Variants in NEO1 observed in about 807,000 individuals in gnomAD.
NEO1 encodes the protein neogenin.
NEO1 carries 63 observed loss-of-function variants against 159.7 expected under a neutral mutation model. The observed-to-expected ratio is 0.39, with a 90% CI of 0.32 to 0.49. The LOEUF is 0.49. NEO1 is among the 20% of genes least tolerant of loss of function. The pLI, the probability that NEO1 is intolerant of heterozygous loss-of-function variation, is 0.85. For missense variants in NEO1, 1,615 were observed against 1,831.0 expected (o/e 0.88, Z 2.15); for synonymous variants, 633 against 662.0 (o/e 0.96, Z 0.67).
At chr15:73,102,736 G>T (rs954804717) in intron 1 of NEO1, among the ~76,000 whole-genome samples, 6 of 151,892 alleles carry the variant, frequency 4.0e-5, no homozygotes, top group Non-Finnish European at 8.8e-5. Flanking sequence ...ACAGAATTTG[G>T]TCCCCAGCTT....
At chr15:73,230,958 A>C (rs1461362080) in intron 7 of NEO1, among the ~76,000 whole-genome samples, 1 of 152,122 alleles carries the variant, frequency 6.6e-6, no homozygotes, top group African/African-American at 2.4e-5. Context: ...GTTTAAGAGC[A>C]TGTTTAATTT....
chr15:73,236,202 T>C, intron 7 of NEO1, 145 bp from the exon 8 acceptor site: 2 of 1,097,178 alleles, frequency 1.8e-6, no homozygotes, highest in East Asian at 2.6e-5. Flanking sequence ...TGTTTATTTC[T>C]TTTTTGTTTT....
intron 1 of NEO1, among the ~76,000 whole-genome samples, chr15:73,103,016 C>T (rs1360409764): frequency 6.6e-6 from 1 of 152,160 alleles, no homozygotes; most frequent in East Asian, 1.9e-4. Flanking sequence ...ACTCACCTTA[C>T]TTTCGCATTT....
chr15:73,107,273 G>C (rs1243628698), intron 1 of NEO1, among the ~76,000 whole-genome samples: 3 of 152,178 alleles, frequency 2.0e-5, no homozygotes, highest in Non-Finnish European at 4.4e-5. Flanking sequence ...AATTGTAGCA[G>C]TAAGGTAAAA....
At chr15:73,054,426 C>A (rs762288967) in intron 1 of NEO1, among the ~76,000 whole-genome samples, 1 of 152,174 alleles carries the variant, frequency 6.6e-6, no homozygotes, top group Non-Finnish European at 1.5e-5. Context: ...AGATGAGGTG[C>A]AAGGCATATG....
intron 26 of NEO1, among the ~76,000 whole-genome samples, chr15:73,297,298 C>T (rs1277009605): frequency 6.6e-6 from 1 of 152,170 alleles, no homozygotes; most frequent in Non-Finnish European, 1.5e-5. Context: ...GGGCAATTTG[C>T]TTAACCTCCC....
intron 7 of NEO1, among the ~76,000 whole-genome samples, chr15:73,198,633 T>G (rs2036677104): frequency 6.6e-6 from 1 of 152,110 alleles, no homozygotes; most frequent in South Asian, 2.1e-4. Flanking sequence ...AGAAAAATCT[T>G]ATGATGTATC....
At chr15:73,159,823 A>AT (rs1173103782) in intron 5 of NEO1, among the ~76,000 whole-genome samples, 1 of 152,152 alleles carries the variant, frequency 6.6e-6, no homozygotes, top group Non-Finnish European at 1.5e-5. Context: ...AGTTTATACA[A>AT]TTTAGATTTT....
intron 1 of NEO1, among the ~76,000 whole-genome samples, chr15:73,089,472 A>G (rs1007538621): frequency 1.3e-5 from 2 of 152,146 alleles, no homozygotes; most frequent in South Asian, 2.1e-4. Context: ...CTACCTCACC[A>G]TGTAGAAAAT....
Position 73,216,760 on chromosome 15 carries a change from G to A in NEO1, c.1292-19587G>A, listed in dbSNP as rs568785608. ...TGAGAAGTGTCTGTTCATGTCCTTC[G>A]CCCACTTTTTGATGGGGTTGTTTTT... is the stretch of plus-strand genomic sequence containing the variant. On this transcript the variant is annotated intron_variant, in intron 7 of 28. Coordinates refer to ENST00000261908, the MANE Select transcript of NEO1 (RefSeq NM_002499.4). Among the ~76,000 whole-genome samples, 586 of 152,138 alleles carry A rather than the reference G, an allele frequency of 3.9e-3. 5 individuals are homozygous for A. The highest frequency in any genetic ancestry group is 0.012 in the African/African-American group (517 of 41,494).
chr15:73,162,170 G>A (rs776084422), intron 5 of NEO1: 29 of 219,700 alleles, frequency 1.3e-4, no homozygotes, highest in Non-Finnish European at 1.9e-4. Context: ...CTTTCCAAAT[G>A]TACCTAAGAG....
intron 5 of NEO1, among the ~76,000 whole-genome samples, chr15:73,160,170 A>G (rs1008928428): frequency 6.6e-6 from 1 of 152,078 alleles, no homozygotes; most frequent in African/African-American, 2.4e-5. Flanking sequence ...TTTTCTATGT[A>G]GTCCTCTTGA....
chr15:73,155,298 T>C (rs181606320), intron 5 of NEO1, among the ~76,000 whole-genome samples: 5 of 152,304 alleles, frequency 3.3e-5, no homozygotes, highest in Admixed American at 1.3e-4. Context: ...TTCTGGCTTA[T>C]AAGGATTCTG....
chr15:73,274,740 G>C lies in NEO1; in HGVS notation c.3193+16G>C, dbSNP rs756549597. On this transcript the variant is annotated intron_variant, in intron 21 of 28. Coordinates refer to ENST00000261908, the MANE Select transcript of NEO1 (RefSeq NM_002499.4). ...AATGATCAAGGTAAATGAGTAGATG[G>C]CCTCTCTTTTCTTTCCTTTCTTTTG... The C allele has an allele frequency of 1.2e-6, 2 of 1,609,272 alleles. No individual in the cohort carries two copies. The highest frequency in any genetic ancestry group is 1.3e-5 in the African/African-American group (1 of 74,782).
chr15:73,222,862 G>A lies in NEO1; in HGVS notation c.1292-13485G>A, dbSNP rs906532906. On this transcript the variant is annotated intron_variant, in intron 7 of 28. Transcript: ENST00000261908. ...CCTTATTTCTCTAGTTCCTTGAGGT[G>A]TGACCTTAGAATGTCAGTTTGTGCT... 9.2e-5 allele frequency among the ~76,000 whole-genome samples: 14 copies of A among 152,146 alleles called. No homozygotes were observed. The South Asian group carries it at 1.0e-3, about 11-fold the overall frequency.
chr15:73,112,304 G>A (rs961481536), intron 1 of NEO1, among the ~76,000 whole-genome samples: 1 of 151,888 alleles, frequency 6.6e-6, no homozygotes, highest in African/African-American at 2.4e-5. Context: ...AGTTTTGTTG[G>A]AACATAGCTT....
At chr15:73,230,721 G>T (rs1315206033) in intron 7 of NEO1, among the ~76,000 whole-genome samples, 1 of 152,106 alleles carries the variant, frequency 6.6e-6, no homozygotes, top group African/African-American at 2.4e-5. Context: ...TTCTCAAGTA[G>T]CTGGGACTAC....
intron 13 of NEO1, among the ~76,000 whole-genome samples, chr15:73,257,452 A>G (rs1038819379): frequency 2.6e-5 from 4 of 152,170 alleles, no homozygotes; most frequent in African/African-American, 4.8e-5. Context: ...TTTTGTTGGC[A>G]TGTTCTGGCA....
chr15:73,062,438 T>C lies in NEO1; in HGVS notation c.130+9633T>C, dbSNP rs559362499. Among the ~76,000 whole-genome samples the C allele has an allele frequency of 3.9e-5, 6 of 152,324 alleles. No homozygotes were observed. The East Asian group carries it at 1.2e-3, about 29-fold the overall frequency. ...TTAAAACTTTATAATTTGTCAAAAC[T>C]TCCATAGCTGCTTGTGGTTCTTAAC... On this transcript the variant is annotated intron_variant, in intron 1 of 28. Transcript: ENST00000261908.
Sources: gnomAD v4.1 joint callset for allele counts (sites outside exome capture counted in the v4.1 genomes callset) on GRCh38, gnomAD v4.1.1 for gene constraint, MANE v1.5 for transcripts, NCBI Gene and HGNC (gene_info 2026-07-23, HGNC 2026-07-21) for gene names.